Variants in GPAT3 observed in about 807,000 individuals in gnomAD.
The protein encoded by GPAT3 is 1-AGP acyltransferase 9.
In GPAT3, 53 loss-of-function variants were observed where a neutral mutation model predicts 58.8. That is an observed-to-expected ratio of 0.90 (90% CI 0.72 to 1.13). The LOEUF (loss-of-function observed/expected upper bound fraction) is 1.13, where lower values mean the gene tolerates loss of function less well. Ranked by LOEUF, GPAT3 falls within the 50% of genes most tolerant of loss-of-function variation. The pLI is 0.00. For missense variants in GPAT3, 511 were observed against 527.6 expected, an observed-to-expected ratio of 0.97 and a Z score of 0.31; for synonymous variants, 197 against 187.4, an observed-to-expected ratio of 1.05 and a Z score of -0.42.
At position 83,590,263 on chromosome 4, in the gene GPAT3, A is replaced by G. The variant is rs1726547886; in HGVS notation, c.709A>G (p.Ile237Val). The G allele has an allele frequency of 1.2e-6, 2 of 1,613,716 alleles. No individual in the cohort carries two copies. Among genetic ancestry groups the G allele is most frequent in the South Asian group, 2.2e-5 (2 of 91,088 alleles). Residue 237 changes from isoleucine to valine, a missense_variant, in exon 6 of 12, where the codon ATC (isoleucine) becomes GTC (valine). Transcript: ENST00000264409. Reference protein sequence around the residue: ...ANHTSPIDVLILTTDGCYAMV... With the variant: ...ANHTSPIDVLVLTTDGCYAMV... Reference sequence around the variant, plus strand: ...CCATACTTCCCCCATTGATGTTTTAATCTTGACAACGGATGGATGTTATGC... The same window carrying G: ...CCATACTTCCCCCATTGATGTTTTAGTCTTGACAACGGATGGATGTTATGC...
chr4:83,577,949 G>A (rs1410490771), intron 2 of GPAT3, among the ~76,000 whole-genome samples: 1 of 151,926 alleles, frequency 6.6e-6, no homozygotes, highest in Non-Finnish European at 1.5e-5. Flanking sequence ...ACAGGCGTGT[G>A]CCGCCACGCC....
rs56163370 is a variant in GPAT3 at position 83,537,401 on chromosome 4, T to C, written c.141+638T>C. 4.4e-3 allele frequency among the ~76,000 whole-genome samples: 665 copies of C among 152,198 alleles called. 6 individuals are homozygous for C. Among genetic ancestry groups the C allele is most frequent in the Non-Finnish European group, 8.0e-3 (542 of 68,002 alleles). On this transcript the variant is annotated intron_variant, in intron 1 of 11. Transcript: ENST00000264409. ...GAAAAATGTTAGATGGAAGTAGGCC[T>C]GGTAGAGAACAACTGCAGCTTACTC...
intron 1 of GPAT3, among the ~76,000 whole-genome samples, chr4:83,539,350 C>T (rs146541772): frequency 2.0e-5 from 3 of 152,140 alleles, no homozygotes; most frequent in African/African-American, 4.8e-5. Context: ...CAAGAATATT[C>T]TTTGGGCTCT....
chr4:83,574,431 T>C (rs912288842), intron 2 of GPAT3, among the ~76,000 whole-genome samples: 1 of 152,170 alleles, frequency 6.6e-6, no homozygotes, highest in Non-Finnish European at 1.5e-5. Flanking sequence ...ATTATTTATG[T>C]ACAAGTGACT....
At chr4:83,556,397 C>T (rs1361611083) in intron 2 of GPAT3, among the ~76,000 whole-genome samples, 2 of 151,784 alleles carry the variant, frequency 1.3e-5, no homozygotes, top group Non-Finnish European at 2.9e-5. Context: ...ACTTGGGAGG[C>T]TTAGGTATGA....
intron 2 of GPAT3, among the ~76,000 whole-genome samples, chr4:83,545,825 A>C (rs116097763): frequency 1.3e-5 from 2 of 152,172 alleles, no homozygotes; most frequent in African/African-American, 4.8e-5. Context: ...AGGAAAGAAC[A>C]AACTTTGTTG....
rs149399530 is a variant in GPAT3, at chr4:83,539,832, C to T, written c.141+3069C>T. Reference sequence around the variant, plus strand: ...TATGTTAATATTACAGCTTTATAGTCGAGAAAATTGTTTTAGGAATACAAA... The same window carrying T: ...TATGTTAATATTACAGCTTTATAGTTGAGAAAATTGTTTTAGGAATACAAA... On this transcript the variant is annotated intron_variant, in intron 1 of 11. Coordinates refer to ENST00000264409, the MANE Select transcript of GPAT3 (RefSeq NM_032717.5). 2.4e-3 allele frequency among the ~76,000 whole-genome samples: 363 copies of T among 152,190 alleles called. 2 individuals are homozygous for T. Among genetic ancestry groups the T allele is most frequent in the South Asian group, 8.9e-3 (43 of 4,822 alleles).
chr4:83,598,166 C>T lies in GPAT3; in HGVS notation c.1112C>T (p.Pro371Leu). 3 of 1,612,640 alleles carry T rather than the reference C, an allele frequency of 1.9e-6. No homozygotes were observed. The highest frequency in any genetic ancestry group is 2.5e-6 in the Non-Finnish European group (3 of 1,179,518). Residue 371 changes from proline (P) to leucine (L), a missense_variant, in exon 10 of 12, where the codon CCC becomes CTC. By Grantham distance (98) the Pro-to-Leu change is moderately conservative. Transcript: ENST00000264409. ...AIVCDVWYMPPMTREEGEDAV... is the reference protein window; with the variant it reads ...AIVCDVWYMPLMTREEGEDAV... The stretch of plus-strand genomic sequence containing the variant: ...GTCTGTGACGTGTGGTACATGCCCC[C>T]CATGACCAGAGAGGTATTCCTTAGC...
At chr4:83,578,874 TTCCC>T (rs1298084222) in intron 2 of GPAT3, among the ~76,000 whole-genome samples, 17 of 151,504 alleles carry the variant, frequency 1.1e-4, no homozygotes, top group Middle Eastern at 3.2e-3. Context: ...CCTTCCTTCC[TTCCC>T]TCCCTTCCCT....
intron 3 of GPAT3, 57 bp downstream of exon 3, chr4:83,581,889 C>T: frequency 6.4e-7 from 1 of 1,553,754 alleles, no homozygotes; most frequent in South Asian, 1.2e-5. Flanking sequence ...CTTTTTGAAT[C>T]ATGTACATAA....
At chr4:83,558,341 G>A (rs958757472) in intron 2 of GPAT3, among the ~76,000 whole-genome samples, 2 of 152,154 alleles carry the variant, frequency 1.3e-5, no homozygotes, top group African/African-American at 2.4e-5. Flanking sequence ...GCTGGGTTAC[G>A]TGATAAAGGT....
chr4:83,572,469 C>T (rs62305343), intron 2 of GPAT3, among the ~76,000 whole-genome samples: 27,886 of 152,074 alleles, frequency 0.18, 3,182 homozygotes, highest in East Asian at 0.31. Context: ...GAATTTGCTA[C>T]ATCTATTCTT....
intron 2 of GPAT3, among the ~76,000 whole-genome samples, chr4:83,545,220 C>T (rs531585921): frequency 6.6e-6 from 1 of 152,134 alleles, no homozygotes; most frequent in Non-Finnish European, 1.5e-5. Flanking sequence ...GCCGGCAGAT[C>T]GCTTGGGCTC....
At chr4:83,563,312 A>G (rs748636378) in intron 2 of GPAT3, among the ~76,000 whole-genome samples, 2 of 152,210 alleles carry the variant, frequency 1.3e-5, no homozygotes, top group Non-Finnish European at 2.9e-5. Flanking sequence ...CAAAAATTAT[A>G]GCAATTTAAA....
In GPAT3 at chr4:83,536,867, C is replaced by T. The variant is rs1435165722; in HGVS notation, c.141+104C>T. On this transcript the variant is annotated intron_variant, in intron 1 of 11. Transcript: ENST00000264409. ...GTCGCGAGTCAGGGGTGTGTGTGCG[C>T]GCGTGTGCATGCGTGCGTGCATTTC... 34 of 1,071,224 alleles carry T rather than the reference C, an allele frequency of 3.2e-5. No homozygotes were observed. The Admixed American group carries it at 7.1e-4, about 22-fold the overall frequency. 66.4% of individuals were successfully genotyped at this position (1,071,224 alleles called of 1,614,324 possible). A position where few individuals can be genotyped will look rare whatever the true frequency, so the allele number is the denominator to read the frequency against.
At chr4:83,596,613 C>T (rs1726849325) in intron 7 of GPAT3, among the ~76,000 whole-genome samples, 2 of 151,932 alleles carry the variant, frequency 1.3e-5, no homozygotes, top group Admixed American at 6.6e-5. Context: ...AAGAGTGAGA[C>T]CCCATCCCCC....
At chr4:83,574,507 A>C (rs890360689) in intron 2 of GPAT3, among the ~76,000 whole-genome samples, 4 of 151,480 alleles carry the variant, frequency 2.6e-5, no homozygotes, top group Non-Finnish European at 4.4e-5. Flanking sequence ...AGACAGTTGT[A>C]ATTTTATCTT....
chr4:83,561,874 A>G (rs1404587959), intron 2 of GPAT3, among the ~76,000 whole-genome samples: 1 of 150,214 alleles, frequency 6.7e-6, no homozygotes, highest in Admixed American at 6.6e-5. Context: ...ACAAGCATCT[A>G]TCATGTTCTT....
intron 2 of GPAT3, among the ~76,000 whole-genome samples, chr4:83,581,122 T>C (rs1405931048): frequency 8.2e-6 from 1 of 121,508 alleles, no homozygotes; most frequent in African/African-American, 3.1e-5. Flanking sequence ...AAAAAAAAAA[T>C]CAACTTTTTG....
Sources: allele counts gnomAD v4.1 joint callset (sites outside exome capture counted in the v4.1 genomes callset), GRCh38; gene constraint gnomAD v4.1.1; transcripts MANE v1.5; gene names NCBI Gene and HGNC (gene_info 2026-07-23, HGNC 2026-07-21).